The following CFAP299 variants were observed in gnomAD, a reference collection of about 807,000 sequenced individuals.
CFAP299 encodes cilia and flagella associated protein 299.
In CFAP299, 21 loss-of-function variants were observed where a neutral mutation model predicts 27.0. The observed-to-expected ratio is 0.78, with a 90% confidence interval of 0.55 to 1.12. The LOEUF (loss-of-function observed/expected upper bound fraction) is 1.12. Among genes scored for constraint, CFAP299 ranks in the 50% most tolerant of loss-of-function variants. The pLI is 0.00. For missense variants in CFAP299, 310 were observed against 276.6 expected (o/e 1.12, Z -0.86); for synonymous variants, 104 against 98.1 (o/e 1.06, Z -0.36).
intron 2 of CFAP299, among the ~76,000 whole-genome samples, chr4:80,516,017 CT>C (rs34249511): frequency 0.21 from 24,682 of 119,340 alleles, 2,284 homozygotes; most frequent in South Asian, 0.39. Flanking sequence ...TTCTGCATTT[CT>C]TTTTTTTTTT....
At chr4:80,787,600 A>T (rs912691552) in intron 3 of CFAP299, among the ~76,000 whole-genome samples, 1 of 151,958 alleles carries the variant, frequency 6.6e-6, no homozygotes, top group African/African-American at 2.4e-5. Context: ...CAGTTATGTG[A>T]CCAACAGGAA....
At chr4:80,579,414 G>C (rs2109866513) in intron 2 of CFAP299, among the ~76,000 whole-genome samples, 1 of 152,108 alleles carries the variant, frequency 6.6e-6, no homozygotes, top group East Asian at 1.9e-4. Flanking sequence ...GTGAAAACAG[G>C]GGCTTTCATT....
At chr4:80,688,325 G>T (rs1426444395) in intron 3 of CFAP299, among the ~76,000 whole-genome samples, 1 of 152,184 alleles carries the variant, frequency 6.6e-6, no homozygotes, top group East Asian at 1.9e-4. Flanking sequence ...GGTTCTCCCA[G>T]CATGCAGCTG....
At chr4:80,701,625 G>T (rs1182880191) in intron 3 of CFAP299, among the ~76,000 whole-genome samples, 1 of 151,932 alleles carries the variant, frequency 6.6e-6, no homozygotes, top group Non-Finnish European at 1.5e-5. Flanking sequence ...ACAAAAGTTT[G>T]AGTGTGGTTA....
At chr4:80,386,746 G>A (rs1725029660) in intron 2 of CFAP299, 1 of 1,495,138 alleles carries the variant, frequency 6.7e-7, no homozygotes, top group Non-Finnish European at 9.3e-7. Flanking sequence ...AGAGGACATG[G>A]GCCTTCAGCT....
At chr4:80,415,673 T>C (rs1726966497) in intron 2 of CFAP299, among the ~76,000 whole-genome samples, 1 of 152,168 alleles carries the variant, frequency 6.6e-6, no homozygotes, top group South Asian at 2.1e-4. Flanking sequence ...TCAATAGATA[T>C]AAATTCAAAC....
At chr4:80,563,744 A>G (rs542918906) in intron 2 of CFAP299, among the ~76,000 whole-genome samples, 1 of 152,226 alleles carries the variant, frequency 6.6e-6, no homozygotes, top group Non-Finnish European at 1.5e-5. Context: ...AACACAAAAT[A>G]TCAATGAAAC....
rs1339201630 is a variant in CFAP299, at chr4:80,591,104, A to ATTTTTTTTT, written c.333+7921_333+7922insTTTTTTTTT. ...AGAAACAGATTATAATACTTTAGGA[A>ATTTTTTTTT]ATTTTTTTTTTTTTTTTTTTTTTTT... On this transcript the variant is annotated intron_variant, in intron 3 of 5. Coordinates refer to ENST00000358105, the MANE Select transcript of CFAP299 (RefSeq NM_152770.3). Among the ~76,000 whole-genome samples, 22 of 116,488 alleles carry ATTTTTTTTT rather than the reference A, an allele frequency of 1.9e-4. 1 individual carries two copies. Among genetic ancestry groups the ATTTTTTTTT allele is most frequent in the Non-Finnish European group, 2.4e-4 (14 of 58,338 alleles). 76.4% of individuals were successfully genotyped at this position (116,488 alleles called of 152,430 possible).
chr4:80,353,854 ATAC>A (rs1723127476), intron 1 of CFAP299, among the ~76,000 whole-genome samples: 1 of 152,236 alleles, frequency 6.6e-6, no homozygotes, highest in Non-Finnish European at 1.5e-5. Context: ...AAAAGAAGCA[ATAC>A]TTAACAATGT....
intron 3 of CFAP299, among the ~76,000 whole-genome samples, chr4:80,688,889 G>A (rs1221463845): frequency 6.6e-6 from 1 of 152,048 alleles, no homozygotes; most frequent in East Asian, 1.9e-4. Flanking sequence ...AGAACTACGT[G>A]AAGAATGCAG....
chr4:80,909,306 T>C (rs1489982596), intron 4 of CFAP299, among the ~76,000 whole-genome samples: 1 of 152,120 alleles, frequency 6.6e-6, no homozygotes, highest in African/African-American at 2.4e-5. Context: ...CAGAAGAGTT[T>C]ATTCAGAGAT....
At chr4:80,861,917 C>A (rs1009315139) in intron 3 of CFAP299, among the ~76,000 whole-genome samples, 1 of 151,906 alleles carries the variant, frequency 6.6e-6, no homozygotes, top group Non-Finnish European at 1.5e-5. Flanking sequence ...AAGTAAATTA[C>A]CAGTTCATAT....
intron 3 of CFAP299, among the ~76,000 whole-genome samples, chr4:80,810,697 T>A (rs907597654): frequency 6.6e-6 from 1 of 152,116 alleles, no homozygotes; most frequent in East Asian, 1.9e-4. Flanking sequence ...ACATATTTTT[T>A]CAGACTACTG....
At chr4:80,523,041 G>C (rs1315595145) in intron 2 of CFAP299, among the ~76,000 whole-genome samples, 1 of 151,984 alleles carries the variant, frequency 6.6e-6, no homozygotes, top group Non-Finnish European at 1.5e-5. Context: ...AAATGTCTTT[G>C]GGATTTTGAT....
intron 3 of CFAP299, among the ~76,000 whole-genome samples, chr4:80,648,013 G>A (rs1270574418): frequency 1.3e-5 from 2 of 152,082 alleles, no homozygotes; most frequent in African/African-American, 2.4e-5. Flanking sequence ...GCTGAGATCC[G>A]GCAACTGCAC....
chr4:80,566,597 C>T (rs1735300558), intron 2 of CFAP299, among the ~76,000 whole-genome samples: 1 of 152,046 alleles, frequency 6.6e-6, no homozygotes. Flanking sequence ...CTCACTTGCT[C>T]GTGACCAGTT....
chr4:80,346,244 A>C (rs1033791540), intron 1 of CFAP299, among the ~76,000 whole-genome samples: 3 of 151,862 alleles, frequency 2.0e-5, no homozygotes, highest in African/African-American at 7.2e-5. Flanking sequence ...CTCTGATGGT[A>C]GTTTCTTTTG....
At chr4:80,578,997 G>A (rs553087836) in intron 2 of CFAP299, among the ~76,000 whole-genome samples, 1 of 152,210 alleles carries the variant, frequency 6.6e-6, no homozygotes, top group African/African-American at 2.4e-5. Context: ...AATTTCAAAT[G>A]GTCAAGTATC....
intron 4 of CFAP299, among the ~76,000 whole-genome samples, chr4:80,929,428 G>A (rs146220722): frequency 0.01 from 1,470 of 140,242 alleles, 4 homozygotes; most frequent in African/African-American, 0.026. Flanking sequence ...CAGTCTCTAT[G>A]GCACCACTAT....
Sources: gnomAD v4.1 joint callset for allele counts (sites outside exome capture counted in the v4.1 genomes callset) on GRCh38, gnomAD v4.1.1 for gene constraint, MANE v1.5 for transcripts, NCBI Gene and HGNC (gene_info 2026-07-23, HGNC 2026-07-21) for gene names.